CA10: variants seen among roughly 807,000 people sequenced by gnomAD.
CA10 encodes the protein carbonic anhydrase-related protein 10.
A neutral mutation model predicts 44.2 loss-of-function variants in CA10; 14 were observed. That is an observed-to-expected ratio of 0.32 (90% confidence interval 0.21 to 0.50). The LOEUF (loss-of-function observed/expected upper bound fraction) is 0.50, where lower values mean the gene tolerates loss of function less well. Ranked by LOEUF, CA10 falls within the 20% of genes least tolerant of loss-of-function variation. The pLI, the probability that CA10 is intolerant of heterozygous loss-of-function variation, is 0.99. For missense variants in CA10, 350 were observed against 409.7 expected, an observed-to-expected ratio of 0.85 and a Z score of 1.26; for synonymous variants, 159 against 141.6, an observed-to-expected ratio of 1.12 and a Z score of -0.87.
In CA10 at chr17:51,652,248, G is replaced by A. The variant is rs189291883; in HGVS notation, c.561+1393C>T. ...TTTACTCATCTGTAAGATACAACAC[G>A]AATGTTCAACCTCTGAGTTTATTAC... On this transcript the variant is annotated intron_variant, in intron 5 of 8. Transcript: ENST00000451037. Among the ~76,000 whole-genome samples, 23 of 152,302 alleles carry A rather than the reference G, an allele frequency of 1.5e-4. No individual in the cohort carries two copies. In the East Asian group the frequency reaches 3.3e-3, roughly 22 times the overall value.
chr17:52,059,643 C>T (rs1159499108), intron 2 of CA10, among the ~76,000 whole-genome samples: 1 of 150,928 alleles, frequency 6.6e-6, no homozygotes, highest in Non-Finnish European at 1.5e-5. Context: ...GCACATTGTG[C>T]ACATGTACCC....
chr17:51,838,975 G>A (rs932982829), intron 3 of CA10, among the ~76,000 whole-genome samples: 1 of 152,166 alleles, frequency 6.6e-6, no homozygotes, highest in Non-Finnish European at 1.5e-5. Context: ...TACCACCAAA[G>A]TCAGAGATTG....
At chr17:51,998,640 AT>A (rs1567914226) in intron 2 of CA10, among the ~76,000 whole-genome samples, 1 of 151,964 alleles carries the variant, frequency 6.6e-6, no homozygotes, top group African/African-American at 2.4e-5. Context: ...ATTTATATTT[AT>A]TTGTCCTAAT....
intron 4 of CA10, among the ~76,000 whole-genome samples, chr17:51,662,613 C>T (rs1423193252): frequency 2.0e-5 from 3 of 152,166 alleles, no homozygotes; most frequent in African/African-American, 7.2e-5. Flanking sequence ...TGTCTTCATG[C>T]ATAAGAGCAC....
intron 3 of CA10, among the ~76,000 whole-genome samples, chr17:51,859,781 G>A (rs75211273): frequency 0.014 from 2,196 of 152,286 alleles, 60 homozygotes; most frequent in African/African-American, 0.051. Flanking sequence ...AGTATAAAGA[G>A]CCACATAGAT....
At chr17:51,708,198 G>A (rs1915819595) in intron 4 of CA10, among the ~76,000 whole-genome samples, 1 of 152,174 alleles carries the variant, frequency 6.6e-6, no homozygotes. Context: ...CGAATAGAGA[G>A]GGAAAGAAAA....
intron 3 of CA10, among the ~76,000 whole-genome samples, chr17:51,799,946 CA>C (rs1268624772): frequency 6.6e-6 from 1 of 152,184 alleles, no homozygotes; most frequent in Non-Finnish European, 1.5e-5. Flanking sequence ...CTTTAGAAAA[CA>C]GTTTGGAAGT....
chr17:52,065,883 G>C (rs2143112185), intron 2 of CA10, among the ~76,000 whole-genome samples: 1 of 152,278 alleles, frequency 6.6e-6, no homozygotes, highest in South Asian at 2.1e-4. Context: ...GGGACCTGGT[G>C]GGACATAATT....
intron 1 of CA10, among the ~76,000 whole-genome samples, chr17:52,110,107 A>C (rs1988758699): frequency 6.6e-6 from 1 of 152,226 alleles, no homozygotes; most frequent in Non-Finnish European, 1.5e-5. Flanking sequence ...AAAAATTGAC[A>C]GATCAGCATG....
chr17:51,826,295 T>C (rs1480243142), intron 3 of CA10, among the ~76,000 whole-genome samples: 2 of 152,216 alleles, frequency 1.3e-5, no homozygotes, highest in Admixed American at 1.3e-4. Flanking sequence ...AAGTTCATCA[T>C]TGACATGGTG....
At chr17:51,995,848 T>C (rs1263063352) in intron 2 of CA10, among the ~76,000 whole-genome samples, 3 of 152,066 alleles carry the variant, frequency 2.0e-5, no homozygotes, top group African/African-American at 4.8e-5. Flanking sequence ...TCCTCACATA[T>C]TACATTTCTT....
chr17:52,093,922 GGAAAGCTGGGGCCT>G (rs57398299), intron 1 of CA10, among the ~76,000 whole-genome samples: 89,235 of 151,816 alleles, frequency 0.59, 27,149 homozygotes, highest in African/African-American at 0.74. Context: ...CTGGTAAGTT[GGAAAGCTGGGGCCT>G]GAAAGCAAGA....
At chr17:51,910,205 A>C (rs1473025525) in intron 3 of CA10, among the ~76,000 whole-genome samples, 3 of 152,118 alleles carry the variant, frequency 2.0e-5, no homozygotes, top group Non-Finnish European at 4.4e-5. Flanking sequence ...GCAGCATTAG[A>C]GACAATGTAC....
intron 1 of CA10, among the ~76,000 whole-genome samples, chr17:52,145,479 C>T (rs976469676): frequency 1.3e-5 from 2 of 152,190 alleles, no homozygotes; most frequent in African/African-American, 4.8e-5. Flanking sequence ...CTAAACACAA[C>T]ATGTCCTAAC....
At chr17:51,836,304 A>C (rs1336718337) in intron 3 of CA10, among the ~76,000 whole-genome samples, 1 of 152,224 alleles carries the variant, frequency 6.6e-6, no homozygotes, top group Non-Finnish European at 1.5e-5. Flanking sequence ...AAAAACTGTC[A>C]TTACTCCTCT....
chr17:51,949,804 A>G (rs571203317), intron 2 of CA10, among the ~76,000 whole-genome samples: 1 of 152,216 alleles, frequency 6.6e-6, no homozygotes, highest in East Asian at 1.9e-4. Context: ...TGGACATTGG[A>G]CTATAGAGCT....
intron 2 of CA10, among the ~76,000 whole-genome samples, chr17:52,064,544 T>TC (rs1853758090): frequency 6.9e-6 from 1 of 144,270 alleles, no homozygotes; most frequent in South Asian, 2.3e-4. Flanking sequence ...GAGCTTACAC[T>TC]CCTTACCTGT....
chr17:51,659,649 A>C (rs1049025761), intron 4 of CA10, among the ~76,000 whole-genome samples: 1 of 152,192 alleles, frequency 6.6e-6, no homozygotes. Context: ...ACTTTGGATG[A>C]TCATTACCAA....
chr17:51,953,014 A>G (rs1356826920), intron 2 of CA10, among the ~76,000 whole-genome samples: 2 of 152,168 alleles, frequency 1.3e-5, no homozygotes, highest in African/African-American at 4.8e-5. Flanking sequence ...CTCCTGCCTC[A>G]GTCTCCTAAA....
Sources: allele counts gnomAD v4.1 joint callset (sites outside exome capture counted in the v4.1 genomes callset), GRCh38; gene constraint gnomAD v4.1.1; transcripts MANE v1.5; gene names NCBI Gene and HGNC (gene_info 2026-07-23, HGNC 2026-07-21).